DCHS2: variants seen among roughly 807,000 people sequenced by gnomAD.
DCHS2 encodes the protein protocadherin-23.
A neutral mutation model predicts 182.4 loss-of-function variants in DCHS2; 142 were observed. The observed-to-expected ratio is 0.78, with a 90% CI of 0.68 to 0.89. The LOEUF (loss-of-function observed/expected upper bound fraction) is 0.89. DCHS2 is among the 40% of genes least tolerant of loss of function. DCHS2 has a pLI of 0.00. For missense variants in DCHS2, 4,319 were observed against 4,198.6 expected, an observed-to-expected ratio of 1.03 and a Z score of -0.79; for synonymous variants, 1,740 against 1,663.3, an observed-to-expected ratio of 1.05 and a Z score of -1.12.
Position 154,294,043 on chromosome 4 carries a change from C to T in DCHS2, c.6463+3808G>A, listed in dbSNP as rs958590648. Among the ~76,000 whole-genome samples the T allele has an allele frequency of 5.9e-5, 9 of 152,244 alleles. No individual in the cohort carries two copies. In the East Asian group the frequency reaches 1.7e-3, roughly 29 times the overall value. On this transcript the variant is annotated intron_variant, in intron 13 of 19. Transcript: ENST00000357232. ...TGGTTAAATGGTAAAATGATATCAA[C>T]AGACATTTGGGGAATACCCACTAGG... is the stretch of plus-strand genomic sequence containing the variant.
At chr4:154,410,162 C>T (rs1437582309) in intron 1 of DCHS2, among the ~76,000 whole-genome samples, 1 of 151,656 alleles carries the variant, frequency 6.6e-6, no homozygotes, top group Non-Finnish European at 1.5e-5. Context: ...TAGTAACTGA[C>T]CCCAAAGAAA....
At chr4:154,420,736 A>C (rs1733077548) in intron 1 of DCHS2, among the ~76,000 whole-genome samples, 1 of 152,112 alleles carries the variant, frequency 6.6e-6, no homozygotes, top group South Asian at 2.1e-4. Context: ...TTCAAATGCA[A>C]TCTCTTTCAG....
In DCHS2 at chr4:154,491,343, C is replaced by G; in HGVS notation, c.13G>C (p.Gly5Arg). The change falls in exon 1 of 20, where the codon GGG (glycine) becomes CGG (arginine). Residue 5 changes from glycine to arginine, a missense_variant. Transcript: ENST00000357232. MSPC[G>R]RKMGEGRQQR... ...TGACGCCCTTCGCCCATCTTCCGCC[C>G]ACAAGGGCTCATTTCTCCTCCAGCT... The G allele has an allele frequency of 2.6e-6, 4 of 1,534,192 alleles. No homozygotes were observed. Among genetic ancestry groups the G allele is most frequent in the Non-Finnish European group, 3.5e-6 (4 of 1,136,266 alleles).
At chr4:154,343,502 C>T in intron 3 of DCHS2, 2 of 1,489,512 alleles carry the variant, frequency 1.3e-6, no homozygotes, top group Non-Finnish European at 1.8e-6. Context: ...TTGCTACATA[C>T]CTTGCTGCAG....
intron 10 of DCHS2, among the ~76,000 whole-genome samples, chr4:154,308,918 C>A (rs116446647): frequency 0.012 from 1,766 of 152,156 alleles, 32 homozygotes; most frequent in African/African-American, 0.039. Context: ...TAACCGGAAA[C>A]CCTAAAGATG....
intron 1 of DCHS2, among the ~76,000 whole-genome samples, chr4:154,488,943 T>C (rs921608321): frequency 6.6e-6 from 1 of 151,776 alleles, no homozygotes; most frequent in Admixed American, 6.6e-5. Context: ...TATACATGTA[T>C]TTATATGATA....
intron 3 of DCHS2, among the ~76,000 whole-genome samples, chr4:154,348,956 G>A (rs911599990): frequency 8.6e-5 from 13 of 151,884 alleles, no homozygotes; most frequent in African/African-American, 3.2e-4. Context: ...TACGTTTATG[G>A]GCTGTTGATC....
chr4:154,333,608 A>T, intron 4 of DCHS2, 114 bp from the exon 5 acceptor site: 1 of 952,378 alleles, frequency 1.0e-6, no homozygotes, highest in African/African-American at 1.7e-5. Flanking sequence ...TCAGTCAATG[A>T]TGGATCACAT....
At chr4:154,248,959 A>G (rs1006011128) in intron 16 of DCHS2, among the ~76,000 whole-genome samples, 1 of 152,168 alleles carries the variant, frequency 6.6e-6, no homozygotes, top group African/African-American at 2.4e-5. Context: ...AGATTTAAAT[A>G]TAAGGCCTCA....
chr4:154,456,796 T>C (rs1179339115), intron 1 of DCHS2, among the ~76,000 whole-genome samples: 1 of 152,176 alleles, frequency 6.6e-6, no homozygotes, highest in Non-Finnish European at 1.5e-5. Flanking sequence ...GACATCTATT[T>C]TGGGTTTGCA....
rs763225316 is a variant in DCHS2 at position 154,239,202 on chromosome 4, G to T, written c.7460C>A (p.Ser2487Tyr). Residue 2487 changes from serine (S) to tyrosine (Y), a missense_variant, in exon 19 of 20, where the codon TCT (serine) becomes TAT (tyrosine). Physicochemically the swap from Ser to Tyr is moderately radical, Grantham distance 144. Coordinates refer to ENST00000357232, the MANE Select transcript of DCHS2 (RefSeq NM_001358235.2). ...NENISYRILSSSKEFSIDPKN... is the reference protein window; with the variant it reads ...NENISYRILSYSKEFSIDPKN... ...AGGATCAATGGAGAATTCCTTAGAA[G>T]AGGATAGAATTCTGTAAGAAATGTT... The T allele has an allele frequency of 2.3e-5, 37 of 1,613,086 alleles. No homozygotes were observed. Among genetic ancestry groups the T allele is most frequent in the Non-Finnish European group, 3.1e-5 (36 of 1,179,616 alleles).
At position 154,490,121 on chromosome 4, in the gene DCHS2, G is replaced by T. The variant is rs1057177279; in HGVS notation, c.1235C>A (p.Ala412Glu). The change falls in exon 1 of 20, where the codon GCA becomes GAA. Residue 412 changes from alanine to glutamate, a missense_variant. Ala to Glu is a moderately radical substitution (Grantham distance 107). Coordinates refer to ENST00000357232, the MANE Select transcript of DCHS2 (RefSeq NM_001358235.2). ...CTCTGTGAGAAAGAGCACGTGAATT[G>T]CTGGCCGGTTGTCATTCACGTCCAG... ...AVLDVNDNRP[A>E]IHVLFLTEGG... The T allele has an allele frequency of 1.9e-6, 3 of 1,548,194 alleles. No individual in the cohort carries two copies. The highest frequency in any genetic ancestry group is 2.6e-6 in the Non-Finnish European group (3 of 1,145,464).
chr4:154,357,243 A>T, intron 3 of DCHS2: 1 of 1,612,838 alleles, frequency 6.2e-7, no homozygotes, highest in South Asian at 1.1e-5. Context: ...CAGAGGTAAA[A>T]ACATCTCTAA....
At position 154,332,897 on chromosome 4, in the gene DCHS2, A is replaced by C; in HGVS notation, c.3311T>G (p.Leu1104Arg). 6.2e-7 allele frequency: 1 copy of C among 1,614,228 alleles called. No individual in the cohort carries two copies. Among genetic ancestry groups the C allele is most frequent in the Non-Finnish European group, 8.5e-7 (1 of 1,180,044 alleles). The change falls in exon 5 of 20, where the codon CTG becomes CGG. Residue 1104 changes from leucine to arginine, a missense_variant. Physicochemically the swap from Leu to Arg is moderately radical, Grantham distance 102. Coordinates refer to ENST00000357232, the MANE Select transcript of DCHS2 (RefSeq NM_001358235.2). ...GCCAAGTGGGTGCGCCTGTGTTTGC[A>C]GCATTTGTGTCATCGGTGAGAGAGA... is the stretch of plus-strand genomic sequence containing the variant. Reference protein sequence around the residue: ...SESLSPMTQMLQTQAHPLGPQ... With the variant: ...SESLSPMTQMRQTQAHPLGPQ...
At chr4:154,302,741 A>G (rs1175874897) in intron 12 of DCHS2, among the ~76,000 whole-genome samples, 3 of 151,016 alleles carry the variant, frequency 2.0e-5, no homozygotes, top group African/African-American at 7.3e-5. Context: ...CCATGAAGAG[A>G]CATGCAGAGC....
intron 1 of DCHS2, among the ~76,000 whole-genome samples, chr4:154,426,179 T>C (rs1733316785): frequency 6.6e-6 from 1 of 152,198 alleles, no homozygotes; most frequent in African/African-American, 2.4e-5. Flanking sequence ...TCTACTGGCC[T>C]ATTGCCACCA....
At chr4:154,330,928 C>A (rs1736492891) in intron 5 of DCHS2, among the ~76,000 whole-genome samples, 1 of 152,064 alleles carries the variant, frequency 6.6e-6, no homozygotes, top group African/African-American at 2.4e-5. Flanking sequence ...TAAAGCAAAT[C>A]TGATGGATAA....
At chr4:154,362,109 A>G (rs1730152337) in intron 3 of DCHS2, among the ~76,000 whole-genome samples, 1 of 152,162 alleles carries the variant, frequency 6.6e-6, no homozygotes, top group Non-Finnish European at 1.5e-5. Context: ...GATAAAAAGG[A>G]AGAAGGAAAA....
At chr4:154,438,753 A>G (rs981492309) in intron 1 of DCHS2, among the ~76,000 whole-genome samples, 19 of 152,202 alleles carry the variant, frequency 1.2e-4, no homozygotes, top group African/African-American at 4.6e-4. Flanking sequence ...CTGTTGTTAT[A>G]GCAGATGTAA....
Sources: gnomAD v4.1 joint callset for allele counts (sites outside exome capture counted in the v4.1 genomes callset) on GRCh38, gnomAD v4.1.1 for gene constraint, MANE v1.5 for transcripts, NCBI Gene and HGNC (gene_info 2026-07-23, HGNC 2026-07-21) for gene names.